Variants in PRKN observed in about 807,000 individuals in gnomAD.
The protein encoded by PRKN is parkin RBR E3 ubiquitin protein ligase.
Under a neutral mutation model 59.5 loss-of-function variants are expected in PRKN, and 56 were observed. That is an observed-to-expected ratio of 0.94 (90% CI 0.76 to 1.18). The LOEUF (loss-of-function observed/expected upper bound fraction) is 1.18. Among genes scored for constraint, PRKN ranks in the 50% most tolerant of loss-of-function variants. The probability of loss-of-function intolerance (pLI) is 0.00; values close to 1 mark genes in which losing one functional copy is unlikely to be tolerated. For missense variants in PRKN, 657 were observed against 596.4 expected (o/e 1.10, Z -1.06); for synonymous variants, 250 against 222.1 (o/e 1.13, Z -1.12).
At chr6:162,430,441 A>G (rs1207652144) in intron 2 of PRKN, among the ~76,000 whole-genome samples, 1 of 152,170 alleles carries the variant, frequency 6.6e-6, no homozygotes, top group Non-Finnish European at 1.5e-5. Context: ...ACTTGTGGAC[A>G]TATTTGTACA....
At chr6:162,226,789 T>C (rs1293477484) in intron 3 of PRKN, among the ~76,000 whole-genome samples, 1 of 152,156 alleles carries the variant, frequency 6.6e-6, no homozygotes, top group Middle Eastern at 3.2e-3. Context: ...GAAGACTCCA[T>C]GAGTATAACA....
At chr6:161,617,318 T>C (rs1465613490) in intron 7 of PRKN, among the ~76,000 whole-genome samples, 4 of 152,224 alleles carry the variant, frequency 2.6e-5, no homozygotes, top group Admixed American at 1.3e-4. Flanking sequence ...CTTTGTCAGA[T>C]GGATAGAGTG....
intron 1 of PRKN, among the ~76,000 whole-genome samples, chr6:162,598,072 AC>A (rs1418898728): frequency 3.3e-5 from 5 of 152,234 alleles, no homozygotes; most frequent in Admixed American, 2.0e-4. Flanking sequence ...CTGTGAATTA[AC>A]CAACATCCAC....
At chr6:161,535,367 A>G (rs1779374726) in intron 9 of PRKN, among the ~76,000 whole-genome samples, 1 of 152,186 alleles carries the variant, frequency 6.6e-6, no homozygotes, top group Admixed American at 6.5e-5. Flanking sequence ...GAAATAAAAA[A>G]GAAGTAGTTT....
At chr6:162,130,180 T>C (rs1451293471) in intron 4 of PRKN, among the ~76,000 whole-genome samples, 1 of 152,116 alleles carries the variant, frequency 6.6e-6, no homozygotes, top group Admixed American at 6.6e-5. Context: ...TCTGCCCCAC[T>C]GCCCCACAAA....
intron 7 of PRKN, among the ~76,000 whole-genome samples, chr6:161,761,984 ACAT>A (rs1789222202): frequency 6.6e-6 from 1 of 152,218 alleles, no homozygotes; most frequent in Non-Finnish European, 1.5e-5. Flanking sequence ...GGAGGACAGG[ACAT>A]ATCTGGAGCT....
intron 1 of PRKN, among the ~76,000 whole-genome samples, chr6:162,723,268 A>T (rs764553005): frequency 9.5e-4 from 145 of 152,338 alleles, no homozygotes; most frequent in Non-Finnish European, 1.6e-3. Flanking sequence ...GCACTATAAG[A>T]TGAGAATGAG....
chr6:162,533,970 C>CAAAA (rs139214272), intron 1 of PRKN, among the ~76,000 whole-genome samples: 6 of 82,916 alleles, frequency 7.2e-5, no homozygotes, highest in East Asian at 5.8e-4. Context: ...GACTCCATCT[C>CAAAA]AAAAAAAAAA....
chr6:162,651,239 G>A (rs1583984072), intron 1 of PRKN, among the ~76,000 whole-genome samples: 1 of 152,278 alleles, frequency 6.6e-6, no homozygotes, highest in South Asian at 2.1e-4. Context: ...AGAAAACAGA[G>A]AAAGTGAAAA....
rs565704421 is a variant in PRKN, at chr6:162,052,872, T to A, written c.618+1219A>T. Among the ~76,000 whole-genome samples the A allele has an allele frequency of 3.3e-5, 5 of 152,260 alleles. No individual in the cohort carries two copies. In the South Asian group the frequency reaches 1.0e-3, roughly 32 times the overall value. On this transcript the variant is annotated intron_variant, in intron 5 of 11. Coordinates refer to ENST00000366898, the MANE Select transcript of PRKN (RefSeq NM_004562.3). ...TATATGTATAACACATATGTATATA[T>A]GGAAACATAGATGTATATATAATTA...
intron 5 of PRKN, among the ~76,000 whole-genome samples, chr6:162,043,630 T>A (rs1430220201): frequency 6.6e-6 from 1 of 152,244 alleles, no homozygotes; most frequent in Non-Finnish European, 1.5e-5. Flanking sequence ...TTGACTCAAT[T>A]GTCCTTTGGA....
intron 4 of PRKN, among the ~76,000 whole-genome samples, chr6:162,109,477 C>A (rs114867034): frequency 6.6e-6 from 1 of 152,080 alleles, no homozygotes; most frequent in Admixed American, 6.6e-5. Flanking sequence ...CTGGCCAGGA[C>A]GATGAGGGGC....
Position 162,370,894 on chromosome 6 carries a change from G to A in PRKN, c.171+72416C>T, listed in dbSNP as rs117776128. Among the ~76,000 whole-genome samples the A allele has an allele frequency of 3.2e-3, 492 of 152,200 alleles. 3 individuals are homozygous for A. Among genetic ancestry groups the A allele is most frequent in the Non-Finnish European group, 5.4e-3 (366 of 67,992 alleles). ...CTGAAAAACCAACAGCTTGGCTCACGGGCATCATTGAACAAATGGTACTGA... is the reference window on the plus strand; with the variant it reads ...CTGAAAAACCAACAGCTTGGCTCACAGGCATCATTGAACAAATGGTACTGA... On this transcript the variant is annotated intron_variant, in intron 2 of 11. Coordinates refer to ENST00000366898, the MANE Select transcript of PRKN (RefSeq NM_004562.3).
intron 2 of PRKN, among the ~76,000 whole-genome samples, chr6:162,440,255 CTGAAAATTCTA>C (rs892848185): frequency 6.6e-6 from 1 of 152,150 alleles, no homozygotes; most frequent in Non-Finnish European, 1.5e-5. Flanking sequence ...TCTCCCAGAA[CTGAAAATTCTA>C]TGAAAATTTT....
intron 6 of PRKN, among the ~76,000 whole-genome samples, chr6:161,803,825 C>T (rs975435516): frequency 4.6e-5 from 7 of 152,300 alleles, no homozygotes; most frequent in South Asian, 2.1e-4. Context: ...GGCGGGTCTG[C>T]GACACAGATG....
At chr6:162,600,484 T>C (rs1781663174) in intron 1 of PRKN, among the ~76,000 whole-genome samples, 1 of 152,226 alleles carries the variant, frequency 6.6e-6, no homozygotes, top group Admixed American at 6.5e-5. Flanking sequence ...CTCTTAAGTG[T>C]ATACGTAAGA....
At chr6:162,312,941 A>ACCT (rs1201003650) in intron 2 of PRKN, among the ~76,000 whole-genome samples, 1 of 152,166 alleles carries the variant, frequency 6.6e-6, no homozygotes, top group African/African-American at 2.4e-5. Context: ...TAGATGCCAG[A>ACCT]AGAAAATATA....
chr6:162,320,979 A>G (rs1782997132), intron 2 of PRKN, among the ~76,000 whole-genome samples: 1 of 151,924 alleles, frequency 6.6e-6, no homozygotes, highest in Non-Finnish European at 1.5e-5. Flanking sequence ...AAAAATGAAG[A>G]GCAAATGAAA....
At chr6:162,281,416 T>TA (rs369725078) in intron 2 of PRKN, among the ~76,000 whole-genome samples, 6,965 of 149,124 alleles carry the variant, frequency 0.047, 193 homozygotes, top group African/African-American at 0.086. Context: ...AAAGTAAAAT[T>TA]AAAAAAAAAA....
Sources: allele counts gnomAD v4.1 joint callset (sites outside exome capture counted in the v4.1 genomes callset), GRCh38; gene constraint gnomAD v4.1.1; transcripts MANE v1.5; gene names NCBI Gene and HGNC (gene_info 2026-07-23, HGNC 2026-07-21).